The following USP10 variants were observed in gnomAD, a reference collection of about 807,000 sequenced individuals.
The protein encoded by USP10 is ubiquitin carboxyl-terminal hydrolase 10.
In USP10, 22 loss-of-function variants were observed where a neutral mutation model predicts 84.5. The observed-to-expected ratio is 0.26, with a 90% CI of 0.19 to 0.37. The LOEUF (loss-of-function observed/expected upper bound fraction) is 0.37, where lower values mean the gene tolerates loss of function less well. Ranked by LOEUF, USP10 falls within the 10% of genes least tolerant of loss-of-function variation. The pLI, the probability that USP10 is intolerant of heterozygous loss-of-function variation, is 1.00. For synonymous variants in USP10, 454 were observed against 387.6 expected (o/e 1.17, Z -2.01); for missense variants, 1,019 against 998.9 (o/e 1.02, Z -0.27).
intron 12 of USP10, among the ~76,000 whole-genome samples, chr16:84,774,310 A>G (rs1825996016): frequency 6.6e-6 from 1 of 152,176 alleles, no homozygotes; most frequent in African/African-American, 2.4e-5. Flanking sequence ...TCAGAAGTAC[A>G]GATGGCTGCC....
At position 84,700,070 on chromosome 16, in the gene USP10, G is replaced by C; in HGVS notation, c.-21G>C. The C allele has an allele frequency of 3.6e-6, 5 of 1,373,042 alleles. No homozygotes were observed. Among genetic ancestry groups the C allele is most frequent in the African/African-American group, 1.5e-5 (1 of 65,028 alleles). The allele number at this position is 1,373,042 out of a possible 1,614,324, so 85.1% of individuals were successfully genotyped here. ...GCGTGAGCAGCCGGAGGATCGCGGAGTCCCAATGAAACGGGCAGCCATGGC... is the reference window on the plus strand; with the variant it reads ...GCGTGAGCAGCCGGAGGATCGCGGACTCCCAATGAAACGGGCAGCCATGGC... On this transcript the variant is annotated 5_prime_UTR_variant, in exon 1 of 14. Transcript: ENST00000219473.
chr16:84,727,483 CAA>C (rs1267561074), intron 1 of USP10, among the ~76,000 whole-genome samples: 1 of 151,406 alleles, frequency 6.6e-6, no homozygotes, highest in East Asian at 1.9e-4. Context: ...AACAAACAAA[CAA>C]ACAAAAACTC....
intron 2 of USP10, among the ~76,000 whole-genome samples, chr16:84,734,996 C>T (rs1005512088): frequency 2.0e-5 from 3 of 152,132 alleles, no homozygotes; most frequent in African/African-American, 4.8e-5. Context: ...ATAAACACCA[C>T]ACGTTTTATT....
chr16:84,720,576 A>ATTTTTTTTTTTTTTTTTTTGTTTT lies in USP10; in HGVS notation c.22-12840_22-12839insGTTTTTTTTTTTTTTTTTTTTTTT, dbSNP rs1907652957. 2.3e-5 allele frequency among the ~76,000 whole-genome samples: 2 copies of ATTTTTTTTTTTTTTTTTTTGTTTT among 88,340 alleles called. 1 individual carries two copies. 58.0% of individuals were successfully genotyped at this position (88,340 alleles called of 152,430 possible). A position where few individuals can be genotyped will look rare whatever the true frequency, so the allele number is the denominator to read the frequency against. ...ATGCAGAATAAAAAGATGATGCCCAATTTTTTTTTTTTTTTTTTTTTTTGA... is the reference window on the plus strand; with the variant it reads ...ATGCAGAATAAAAAGATGATGCCCAATTTTTTTTTTTTTTTTTTTGTTTTTTTTTTTTTTTTTTTTTTTTTTTGA... On this transcript the variant is annotated intron_variant, in intron 1 of 13. Coordinates refer to ENST00000219473, the MANE Select transcript of USP10 (RefSeq NM_005153.3).
chr16:84,763,410 GTA>G (rs765906474), intron 9 of USP10, among the ~76,000 whole-genome samples: 26 of 151,510 alleles, frequency 1.7e-4, no homozygotes, highest in Non-Finnish European at 3.2e-4. Context: ...CACACACTGT[GTA>G]TATATATATA....
chr16:84,742,327 C>T (rs1910717310), intron 3 of USP10, among the ~76,000 whole-genome samples: 2 of 152,164 alleles, frequency 1.3e-5, no homozygotes, highest in Admixed American at 6.5e-5. Context: ...TCACTGTTTC[C>T]TGCATCCAGA....
At chr16:84,760,814 C>G (rs1913121781) in intron 8 of USP10, among the ~76,000 whole-genome samples, 1 of 152,136 alleles carries the variant, frequency 6.6e-6, no homozygotes, top group Non-Finnish European at 1.5e-5. Context: ...TTGAGAGTGA[C>G]TTGGGCCGCC....
chr16:84,716,599 T>C (rs1907044415), intron 1 of USP10: 1 of 152,166 alleles, frequency 6.6e-6, no homozygotes, highest in Admixed American at 6.5e-5. Flanking sequence ...AGGTGATGCC[T>C]GCGTTGAGCT....
chr16:84,778,712 A>T (rs1915272944), intron 13 of USP10, among the ~76,000 whole-genome samples, 183 bp from the exon 14 acceptor site: 1 of 152,306 alleles, frequency 6.6e-6, no homozygotes, highest in Non-Finnish European at 1.5e-5. Context: ...AGTTTTTATT[A>T]TGGATTGCTT....
chr16:84,775,570 T>G (rs1914919206), intron 13 of USP10, among the ~76,000 whole-genome samples: 1 of 152,184 alleles, frequency 6.6e-6, no homozygotes, highest in Admixed American at 6.5e-5. Flanking sequence ...CTGTGGAGTT[T>G]CCACGACACC....
chr16:84,722,456 A>G (rs940929966), intron 1 of USP10, among the ~76,000 whole-genome samples: 3 of 152,212 alleles, frequency 2.0e-5, no homozygotes, highest in Admixed American at 6.5e-5. Context: ...CGTATATTCT[A>G]TTCTGTAAGA....
chr16:84,701,842 G>A (rs1904898039), intron 1 of USP10, among the ~76,000 whole-genome samples: 1 of 151,916 alleles, frequency 6.6e-6, no homozygotes, highest in Admixed American at 6.6e-5. Flanking sequence ...CAACACTTTG[G>A]GTTTATTCTT....
At chr16:84,717,133 C>G (rs892960030) in intron 1 of USP10, among the ~76,000 whole-genome samples, 1 of 152,178 alleles carries the variant, frequency 6.6e-6, no homozygotes, top group African/African-American at 2.4e-5. Context: ...TAGGTAATTC[C>G]TAGGCTGCTG....
intron 1 of USP10, chr16:84,704,915 A>G (rs1905279061): frequency 2.0e-6 from 3 of 1,535,300 alleles, no homozygotes; most frequent in Admixed American, 2.0e-5. Context: ...GAATTCCTCG[A>G]CTTTCCCTTT....
intron 1 of USP10, among the ~76,000 whole-genome samples, chr16:84,706,789 C>G (rs940805714): frequency 6.6e-6 from 1 of 151,776 alleles, no homozygotes; most frequent in Non-Finnish European, 1.5e-5. Context: ...ATCTGCCCAC[C>G]TCGGCCTCCC....
intron 1 of USP10, among the ~76,000 whole-genome samples, chr16:84,724,544 G>C (rs376037233): frequency 3.5e-4 from 54 of 152,208 alleles, no homozygotes; most frequent in African/African-American, 1.3e-3. Context: ...TACTTTGTTC[G>C]CTTCTCAGGA....
At chr16:84,715,986 C>G (rs1186727040) in intron 1 of USP10, among the ~76,000 whole-genome samples, 1 of 152,136 alleles carries the variant, frequency 6.6e-6, no homozygotes, top group African/African-American at 2.4e-5. Flanking sequence ...AGGCAGTGTC[C>G]TGAGCTTCTT....
At chr16:84,717,016 G>T (rs1325139239) in intron 1 of USP10, among the ~76,000 whole-genome samples, 2 of 152,220 alleles carry the variant, frequency 1.3e-5, no homozygotes, top group East Asian at 1.9e-4. Flanking sequence ...GAGCATAGCA[G>T]TGCTTCTCAA....
intron 1 of USP10, among the ~76,000 whole-genome samples, chr16:84,700,343 G>A (rs1194241385): frequency 3.3e-5 from 5 of 152,008 alleles, no homozygotes; most frequent in Admixed American, 2.6e-4. Flanking sequence ...AAGGGCGGGG[G>A]CTCCGGGCCC....
Sources: allele counts gnomAD v4.1 joint callset (sites outside exome capture counted in the v4.1 genomes callset), GRCh38; gene constraint gnomAD v4.1.1; transcripts MANE v1.5; gene names NCBI Gene and HGNC (gene_info 2026-07-23, HGNC 2026-07-21).